SUGCT: variants seen among roughly 807,000 people sequenced by gnomAD.
The protein encoded by SUGCT is succinyl-CoA:glutarate CoA-transferase.
SUGCT carries 41 observed loss-of-function variants against 55.0 expected under a neutral mutation model. The ratio of observed to expected loss-of-function variants is 0.74; its 90% CI spans 0.58 to 0.97. SUGCT has a LOEUF of 0.97. SUGCT is among the 50% of genes least tolerant of loss of function. The pLI is 0.00. For synonymous variants in SUGCT, 187 were observed against 200.4 expected (o/e 0.93, Z 0.56); for missense variants, 568 against 547.8 (o/e 1.04, Z -0.37).
the SUGCT span, among the ~76,000 whole-genome samples, chr7:40,961,081 C>T: frequency 4.1e-4 from 62 of 152,206 alleles, no homozygotes; most frequent in African/African-American, 1.0e-3. Flanking sequence ...AACACTATCA[C>T]GGTTTACTGT....
chr7:40,641,456 A>G, intron 12 of SUGCT, among the ~76,000 whole-genome samples: 1 of 152,176 alleles, frequency 6.6e-6, no homozygotes, highest in Non-Finnish European at 1.5e-5. Flanking sequence ...GGCTAAATAA[A>G]TAAATGACAA....
chr7:40,622,766 A>C (rs1451169468), intron 12 of SUGCT, among the ~76,000 whole-genome samples: 1 of 151,496 alleles, frequency 6.6e-6, no homozygotes, highest in African/African-American at 2.4e-5. Context: ...GGGTGGGAAG[A>C]TCTAATTAGG....
At chr7:40,939,448 T>A in the SUGCT span, among the ~76,000 whole-genome samples, 2 of 152,170 alleles carry the variant, frequency 1.3e-5, no homozygotes, top group African/African-American at 4.8e-5. Context: ...AATCCTACTT[T>A]TAGTTCTTTG....
chr7:40,663,077 G>C (rs527450730), intron 12 of SUGCT, among the ~76,000 whole-genome samples: 1 of 152,124 alleles, frequency 6.6e-6, no homozygotes, highest in Non-Finnish European at 1.5e-5. Context: ...TACTTTAAAT[G>C]ACATTATTAA....
chr7:40,321,219 G>A (rs1447204551), intron 9 of SUGCT, among the ~76,000 whole-genome samples: 1 of 150,948 alleles, frequency 6.6e-6, no homozygotes, highest in Non-Finnish European at 1.5e-5. Context: ...GGGATTACAG[G>A]CAAACGCCAT....
At chr7:40,334,036 A>G (rs555587430) in intron 9 of SUGCT, among the ~76,000 whole-genome samples, 1 of 152,098 alleles carries the variant, frequency 6.6e-6, no homozygotes, top group African/African-American at 2.4e-5. Context: ...GTTTGCTGAG[A>G]ATGATGGTTT....
chr7:40,669,820 A>G (rs1368543286), intron 12 of SUGCT, among the ~76,000 whole-genome samples: 1 of 152,000 alleles, frequency 6.6e-6, no homozygotes, highest in Non-Finnish European at 1.5e-5. Context: ...GGGATCTAAC[A>G]GCCCTGTTAC....
chr7:40,208,414 T>C (rs1787125205), intron 6 of SUGCT, among the ~76,000 whole-genome samples: 1 of 152,162 alleles, frequency 6.6e-6, no homozygotes, highest in Non-Finnish European at 1.5e-5. Flanking sequence ...TATAAGGTAT[T>C]CCATGGAAGA....
chr7:40,310,520 G>C (rs576964476), intron 8 of SUGCT, among the ~76,000 whole-genome samples: 1 of 152,160 alleles, frequency 6.6e-6, no homozygotes, highest in Non-Finnish European at 1.5e-5. Flanking sequence ...GTCAACATTG[G>C]CTCTGTAATT....
intron 6 of SUGCT, among the ~76,000 whole-genome samples, chr7:40,211,034 T>C (rs965952067): frequency 2.6e-5 from 4 of 152,164 alleles, no homozygotes; most frequent in African/African-American, 9.7e-5. Context: ...TGGAGGGCAG[T>C]GGTGTGATCT....
At chr7:40,707,064 G>T (rs1785454592) in intron 12 of SUGCT, among the ~76,000 whole-genome samples, 1 of 152,098 alleles carries the variant, frequency 6.6e-6, no homozygotes, top group African/African-American at 2.4e-5. Context: ...AGCTTCCTCG[G>T]ATACCTGGAT....
intron 6 of SUGCT, among the ~76,000 whole-genome samples, chr7:40,202,780 T>A (rs1322284558): frequency 1.3e-5 from 2 of 152,220 alleles, no homozygotes; most frequent in African/African-American, 2.4e-5. Context: ...ACACAGAGTC[T>A]ATCTGTTATG....
At chr7:40,687,022 C>T (rs774924049) in intron 12 of SUGCT, among the ~76,000 whole-genome samples, 33 of 152,150 alleles carry the variant, frequency 2.2e-4, no homozygotes, top group Non-Finnish European at 4.0e-4. Context: ...TCTCACTGCC[C>T]TCACCCCCAA....
At chr7:40,710,793 A>T in intron 12 of SUGCT, among the ~76,000 whole-genome samples, 1 of 152,236 alleles carries the variant, frequency 6.6e-6, no homozygotes, top group Non-Finnish European at 1.5e-5. Flanking sequence ...TGGTTAATTT[A>T]TTTTTTCCCA....
At position 40,207,691 on chromosome 7, in the gene SUGCT, C is replaced by T. The variant is rs563142707; in HGVS notation, c.484+12631C>T. ...AATTAGCCAGGCGTGGTGGCGGGCA[C>T]CTGTAATCCCAGCTGCTCTGGAGGC... is the stretch of plus-strand genomic sequence containing the variant. On this transcript the variant is annotated intron_variant, in intron 6 of 13. Transcript: ENST00000335693. Among the ~76,000 whole-genome samples the T allele has an allele frequency of 2.8e-3, 425 of 151,854 alleles. 2 individuals are homozygous for T. The highest frequency in any genetic ancestry group is 9.7e-3 in the African/African-American group (403 of 41,382).
the SUGCT span, among the ~76,000 whole-genome samples, chr7:40,911,291 C>T: frequency 6.6e-6 from 1 of 152,176 alleles, no homozygotes; most frequent in Non-Finnish European, 1.5e-5. Context: ...AGACATTGTA[C>T]TTGCTGTTTT....
At chr7:40,469,388 G>A (rs1362389369) in intron 11 of SUGCT, among the ~76,000 whole-genome samples, 1 of 152,172 alleles carries the variant, frequency 6.6e-6, no homozygotes, top group Non-Finnish European at 1.5e-5. Flanking sequence ...TGCATTCCTT[G>A]GCAGTGCTGC....
chr7:40,832,653 C>A (rs1792747971), intron 13 of SUGCT, among the ~76,000 whole-genome samples: 1 of 149,822 alleles, frequency 6.7e-6, no homozygotes, highest in Non-Finnish European at 1.5e-5. Context: ...TTGCTTCAGG[C>A]CTTCTTTGTT....
intron 8 of SUGCT, among the ~76,000 whole-genome samples, chr7:40,297,935 A>G (rs1019539858): frequency 6.6e-6 from 1 of 152,028 alleles, no homozygotes; most frequent in Non-Finnish European, 1.5e-5. Context: ...AAGACACATG[A>G]TATTGTTTTC....
Sources: gnomAD v4.1 joint callset for allele counts (sites outside exome capture counted in the v4.1 genomes callset) on GRCh38, gnomAD v4.1.1 for gene constraint, MANE v1.5 for transcripts, NCBI Gene and HGNC (gene_info 2026-07-23, HGNC 2026-07-21) for gene names.